The following NRXN1 variants were observed in gnomAD, a reference collection of about 807,000 sequenced individuals.
NRXN1 encodes neurexin 1, also known as neurexin-1.
A neutral mutation model predicts 150.9 loss-of-function variants in NRXN1; 39 were observed. The observed-to-expected ratio is 0.26, with a 90% confidence interval of 0.20 to 0.34. The LOEUF (loss-of-function observed/expected upper bound fraction) is 0.34, where lower values mean the gene tolerates loss of function less well. Ranked by LOEUF, NRXN1 falls within the 10% of genes least tolerant of loss-of-function variation. The probability of loss-of-function intolerance (pLI) is 1.00; values close to 1 mark genes in which losing one functional copy is unlikely to be tolerated. For missense variants in NRXN1, 1,815 were observed against 1,949.9 expected, an observed-to-expected ratio of 0.93 and a Z score of 1.30; for synonymous variants, 924 against 757.0, an observed-to-expected ratio of 1.22 and a Z score of -3.62.
chr2:50,244,754 G>A (rs944929525), intron 17 of NRXN1, among the ~76,000 whole-genome samples: 1 of 151,604 alleles, frequency 6.6e-6, no homozygotes, highest in Non-Finnish European at 1.5e-5. Context: ...CTAGAAGAGA[G>A]GATTTGAATT....
At chr2:50,083,982 G>A (rs554426394) in intron 19 of NRXN1, among the ~76,000 whole-genome samples, 1 of 152,202 alleles carries the variant, frequency 6.6e-6, no homozygotes, top group Non-Finnish European at 1.5e-5. Context: ...GTGCCGATTG[G>A]TGTATTCACA....
chr2:50,885,820 A>AACACACAC (rs57614861), intron 5 of NRXN1, among the ~76,000 whole-genome samples: 11,920 of 143,700 alleles, frequency 0.083, 619 homozygotes, highest in Non-Finnish European at 0.097. Flanking sequence ...TATTTCTATA[A>AACACACAC]ACACACACAC....
chr2:50,811,434 C>A (rs1314739398), intron 5 of NRXN1, among the ~76,000 whole-genome samples: 1 of 152,174 alleles, frequency 6.6e-6, no homozygotes, highest in African/African-American at 2.4e-5. Context: ...AATCAAGATA[C>A]ACACTTCTCT....
At chr2:50,609,435 A>G (rs916066674) in intron 8 of NRXN1, among the ~76,000 whole-genome samples, 4 of 152,144 alleles carry the variant, frequency 2.6e-5, no homozygotes, top group African/African-American at 9.6e-5. Context: ...ATTGTAGCTA[A>G]TCCTCACTAT....
chr2:49,976,816 G>A (rs1480779417), intron 21 of NRXN1, among the ~76,000 whole-genome samples: 1 of 152,124 alleles, frequency 6.6e-6, no homozygotes, highest in African/African-American at 2.4e-5. Flanking sequence ...GATTCTTCCA[G>A]GAACGAATGT....
chr2:50,741,686 A>T (rs1221476687), intron 5 of NRXN1, among the ~76,000 whole-genome samples: 1 of 152,128 alleles, frequency 6.6e-6, no homozygotes, highest in Non-Finnish European at 1.5e-5. Context: ...AGGTTTCATG[A>T]TACTTCTTTT....
At chr2:50,083,060 A>G (rs1239178367) in intron 19 of NRXN1, among the ~76,000 whole-genome samples, 1 of 152,214 alleles carries the variant, frequency 6.6e-6, no homozygotes, top group East Asian at 1.9e-4. Context: ...TGCCTGGACA[A>G]TTATCAAATT....
chr2:50,549,711 G>A (rs1667152278), intron 9 of NRXN1, among the ~76,000 whole-genome samples: 1 of 152,054 alleles, frequency 6.6e-6, no homozygotes, highest in Non-Finnish European at 1.5e-5. Flanking sequence ...TTGGTAATTT[G>A]GATGAATTAA....
intron 2 of NRXN1, among the ~76,000 whole-genome samples, chr2:50,942,353 C>T (rs1689590368): frequency 6.6e-6 from 1 of 152,136 alleles, no homozygotes; most frequent in Admixed American, 6.5e-5. Context: ...TGAGGCACTG[C>T]CTAGTGGAGT....
chr2:50,315,903 C>G (rs1210202482), intron 17 of NRXN1, among the ~76,000 whole-genome samples: 1 of 151,884 alleles, frequency 6.6e-6, no homozygotes, highest in Non-Finnish European at 1.5e-5. Flanking sequence ...AATGGTAAGA[C>G]AGAAGAATAA....
At chr2:50,470,790 T>A (rs777604775) in intron 16 of NRXN1, among the ~76,000 whole-genome samples, 19 of 151,726 alleles carry the variant, frequency 1.3e-4, no homozygotes, top group Non-Finnish European at 2.5e-4. Context: ...GAGGAAGAAT[T>A]TGCTCAAATA....
chr2:50,566,148 T>G (rs1028786528), intron 8 of NRXN1, among the ~76,000 whole-genome samples: 1 of 152,198 alleles, frequency 6.6e-6, no homozygotes, highest in Admixed American at 6.5e-5. Context: ...TTCGGTTGTA[T>G]GTTGAACAAG....
intron 21 of NRXN1, among the ~76,000 whole-genome samples, chr2:49,988,778 TTAA>T (rs2152517548): frequency 6.6e-6 from 1 of 152,238 alleles, no homozygotes; most frequent in South Asian, 2.1e-4. Flanking sequence ...TGTCTGAAAT[TTAA>T]TTATTAACAA....
chr2:50,515,341 T>C (rs548675291), intron 12 of NRXN1, among the ~76,000 whole-genome samples: 1 of 152,304 alleles, frequency 6.6e-6, no homozygotes, highest in African/African-American at 2.4e-5. Context: ...GTATAATGAT[T>C]TCATTATATA....
chr2:50,059,395 T>G (rs1218703315), intron 19 of NRXN1, among the ~76,000 whole-genome samples: 1 of 152,208 alleles, frequency 6.6e-6, no homozygotes, highest in East Asian at 1.9e-4. Flanking sequence ...TTTTATTCAT[T>G]TATAAAGATA....
Position 50,091,325 on chromosome 2 carries a change from G to A in NRXN1, c.3716C>T (p.Ala1239Val). 1 of 1,614,088 alleles carries A rather than the reference G, an allele frequency of 6.2e-7. No individual in the cohort carries two copies. The highest frequency in any genetic ancestry group is 8.5e-7 in the Non-Finnish European group (1 of 1,180,010). Residue 1239 changes from alanine to valine, a missense_variant and splice_region_variant, in exon 19 of 23, where the codon GCA (alanine) becomes GTA (valine). Ala to Val is a moderately conservative substitution (Grantham distance 64, BLOSUM62 0). Coordinates refer to ENST00000401669, the MANE Select transcript of NRXN1 (RefSeq NM_001330078.2). ...CCGATACATATTCACTTGCTTACCT[G>A]CAGGGTAGCGCTCGATCACTGGCCA... Reference protein sequence around the residue: ...DSWPVIERYPAGNNDNERLAI... With the variant: ...DSWPVIERYPVGNNDNERLAI...
At chr2:50,931,384 A>T (rs1431486800) in intron 2 of NRXN1, among the ~76,000 whole-genome samples, 2 of 152,166 alleles carry the variant, frequency 1.3e-5, no homozygotes, top group Admixed American at 6.5e-5. Context: ...TAAAAATATG[A>T]CTAAACCACA....
chr2:50,474,621 C>T (rs778790687), intron 15 of NRXN1, among the ~76,000 whole-genome samples: 2 of 141,184 alleles, frequency 1.4e-5, no homozygotes, highest in South Asian at 2.2e-4. Context: ...TCTCACACAA[C>T]GTTCCGTACT....
chr2:51,019,043 A>C (rs1161550569), intron 2 of NRXN1, among the ~76,000 whole-genome samples: 1 of 152,132 alleles, frequency 6.6e-6, no homozygotes, highest in Non-Finnish European at 1.5e-5. Flanking sequence ...AGTCTGCCAC[A>C]ACCCTCAAAT....
Sources: allele counts gnomAD v4.1 joint callset (sites outside exome capture counted in the v4.1 genomes callset), GRCh38; gene constraint gnomAD v4.1.1; transcripts MANE v1.5; gene names NCBI Gene and HGNC (gene_info 2026-07-23, HGNC 2026-07-21).